SHISA9: variants seen among roughly 807,000 people sequenced by gnomAD.
SHISA9 encodes the protein shisa family member 9.
A neutral mutation model predicts 38.0 loss-of-function variants in SHISA9; 13 were observed. That is an observed-to-expected ratio of 0.34 (90% CI 0.22 to 0.54). The LOEUF is 0.54. Ranked by LOEUF, SHISA9 falls within the 20% of genes least tolerant of loss-of-function variation. SHISA9 has a pLI of 0.91. For synonymous variants in SHISA9, 275 were observed against 242.0 expected (o/e 1.14, Z -1.27); for missense variants, 538 against 575.8 (o/e 0.93, Z 0.67).
intron 3 of SHISA9, among the ~76,000 whole-genome samples, chr16:13,211,674 T>C (rs2051121360): frequency 6.6e-6 from 1 of 152,250 alleles, no homozygotes; most frequent in African/African-American, 2.4e-5. Flanking sequence ...ATCATCTTAT[T>C]AAATGCCCTA....
the SHISA9 span, among the ~76,000 whole-genome samples, chr16:13,418,405 T>C: frequency 6.2e-4 from 94 of 152,270 alleles, 1 homozygote; most frequent in Non-Finnish European, 2.5e-4. Context: ...GGGCTGTATA[T>C]CTGGCGCCTC....
intron 2 of SHISA9, among the ~76,000 whole-genome samples, chr16:13,020,883 C>CATT (rs2072844223): frequency 6.6e-6 from 1 of 152,180 alleles, no homozygotes; most frequent in African/African-American, 2.4e-5. Context: ...TCTTTGAGAG[C>CATT]ATTATACGCA....
intron 2 of SHISA9, among the ~76,000 whole-genome samples, chr16:12,917,234 G>C (rs1378667549): frequency 6.6e-6 from 1 of 152,206 alleles, no homozygotes; most frequent in African/African-American, 2.4e-5. Context: ...AGGTAGACCA[G>C]TTGTGACTTC....
intron 2 of SHISA9, among the ~76,000 whole-genome samples, chr16:13,167,062 TC>T (rs1216376072): frequency 9.7e-4 from 123 of 126,210 alleles, no homozygotes; most frequent in African/African-American, 3.5e-3. Context: ...TCTCTCTCTC[TC>T]TCTTTTTTCT....
chr16:13,121,081 C>T (rs371731291), intron 2 of SHISA9, among the ~76,000 whole-genome samples: 1 of 151,940 alleles, frequency 6.6e-6, no homozygotes, highest in Admixed American at 6.6e-5. Flanking sequence ...ATTGCCTGAG[C>T]CCAGGAAGGT....
rs540845081 is a variant in SHISA9 at position 13,213,204 on chromosome 16, G to A, written c.848-49G>A. ...TGGGTGTGAGGGCATAGTGAACATG[G>A]GTGCCCTGCAAACAGATCATCAGCA... is the stretch of plus-strand genomic sequence containing the variant. On this transcript the variant is annotated intron_variant, in intron 3 of 4. Transcript: ENST00000558583. The A allele has an allele frequency of 1.2e-5, 18 of 1,520,408 alleles. No homozygotes were observed. The African/African-American group carries it at 2.1e-4, about 17-fold the overall frequency. 94.2% of individuals were successfully genotyped at this position (1,520,408 alleles called of 1,614,324 possible). A position where few individuals can be genotyped will look rare whatever the true frequency, so the allele number is the denominator to read the frequency against.
chr16:13,328,206 A>G, the SHISA9 span, among the ~76,000 whole-genome samples: 1 of 152,070 alleles, frequency 6.6e-6, no homozygotes, highest in Non-Finnish European at 1.5e-5. Flanking sequence ...ACAGAATCTT[A>G]GGCAGACTGG....
chr16:13,317,487 A>G, the SHISA9 span, among the ~76,000 whole-genome samples: 1 of 152,144 alleles, frequency 6.6e-6, no homozygotes, highest in Admixed American at 6.5e-5. Flanking sequence ...GTTTTAGGGT[A>G]CATGTGCACA....
At chr16:13,515,140 G>T in the SHISA9 span, among the ~76,000 whole-genome samples, 1 of 152,132 alleles carries the variant, frequency 6.6e-6, no homozygotes, top group Non-Finnish European at 1.5e-5. Context: ...GAGGATATGG[G>T]AAATGTCTGC....
At chr16:13,541,173 G>A in the SHISA9 span, among the ~76,000 whole-genome samples, 187 of 152,264 alleles carry the variant, frequency 1.2e-3, no homozygotes, top group African/African-American at 4.3e-3. Flanking sequence ...TTGGGTGCAG[G>A]CTCTGGTGAT....
chr16:13,018,053 T>C (rs2072779033), intron 2 of SHISA9, among the ~76,000 whole-genome samples: 1 of 152,210 alleles, frequency 6.6e-6, no homozygotes, highest in African/African-American at 2.4e-5. Flanking sequence ...CTAAATCCTG[T>C]GTTGTCCTCT....
the SHISA9 span, among the ~76,000 whole-genome samples, chr16:13,519,273 G>C: frequency 2.6e-5 from 4 of 152,138 alleles, no homozygotes; most frequent in African/African-American, 7.2e-5. Context: ...TGAAGGCATA[G>C]TAAGCCTCAA....
intron 2 of SHISA9, among the ~76,000 whole-genome samples, chr16:12,966,408 A>G (rs2071978482): frequency 6.6e-6 from 1 of 152,082 alleles, no homozygotes; most frequent in South Asian, 2.1e-4. Context: ...CCAACTATGT[A>G]CCAGATATGT....
chr16:13,175,838 T>C (rs2050727273), intron 2 of SHISA9, among the ~76,000 whole-genome samples: 1 of 151,922 alleles, frequency 6.6e-6, no homozygotes, highest in African/African-American at 2.4e-5. Flanking sequence ...CAAGGGTGGG[T>C]GGGGGCTTTC....
intron 2 of SHISA9, among the ~76,000 whole-genome samples, chr16:13,076,463 C>T (rs1397193598): frequency 1.3e-5 from 2 of 152,100 alleles, no homozygotes; most frequent in Non-Finnish European, 2.9e-5. Context: ...TTTAGTTAGC[C>T]CACTTCCCCC....
intron 2 of SHISA9, among the ~76,000 whole-genome samples, chr16:13,097,123 G>A (rs1477455982): frequency 6.6e-6 from 1 of 152,186 alleles, no homozygotes; most frequent in Non-Finnish European, 1.5e-5. Flanking sequence ...TTGAATGACT[G>A]TTGAGTAATA....
At chr16:13,070,219 T>C (rs2073496759) in intron 2 of SHISA9, among the ~76,000 whole-genome samples, 1 of 151,676 alleles carries the variant, frequency 6.6e-6, no homozygotes, top group South Asian at 2.1e-4. Flanking sequence ...CCTCCTCCCA[T>C]CCTTTTCCAT....
the SHISA9 span, among the ~76,000 whole-genome samples, chr16:13,544,619 C>A: frequency 6.6e-6 from 1 of 151,874 alleles, no homozygotes; most frequent in African/African-American, 2.4e-5. Context: ...GAGCAACCAC[C>A]TTTTTAGGTG....
intron 2 of SHISA9, among the ~76,000 whole-genome samples, 162 bp downstream of exon 2, chr16:12,916,977 T>C (rs1439967187): frequency 6.6e-6 from 1 of 152,222 alleles, no homozygotes; most frequent in Non-Finnish European, 1.5e-5. Flanking sequence ...TTTAGCATCA[T>C]CCGATGTCCG....
Sources: allele counts gnomAD v4.1 joint callset (sites outside exome capture counted in the v4.1 genomes callset), GRCh38; gene constraint gnomAD v4.1.1; transcripts MANE v1.5; gene names NCBI Gene and HGNC (gene_info 2026-07-23, HGNC 2026-07-21).